Variants in TBCD observed in about 807,000 individuals in gnomAD.
TBCD encodes tubulin folding cofactor D.
TBCD carries 105 observed loss-of-function variants against 169.3 expected under a neutral mutation model. The observed-to-expected ratio is 0.62, with a 90% CI of 0.53 to 0.73. The LOEUF is 0.73. TBCD is among the 30% of genes least tolerant of loss of function. The pLI, the probability that TBCD is intolerant of heterozygous loss-of-function variation, is 0.00. For missense variants in TBCD, 1,444 were observed against 1,600.1 expected, an observed-to-expected ratio of 0.90 and a Z score of 1.66; for synonymous variants, 700 against 643.9, an observed-to-expected ratio of 1.09 and a Z score of -1.32.
intron 13 of TBCD, among the ~76,000 whole-genome samples, chr17:82,826,294 A>AT (rs1225029813): frequency 6.7e-6 from 1 of 150,362 alleles, no homozygotes; most frequent in Non-Finnish European, 1.5e-5. Flanking sequence ...GTTTTTTTAG[A>AT]TTGGGTTTTA....
In TBCD at chr17:82,830,808, A is replaced by G. The variant is rs753550702; in HGVS notation, c.1318+15874A>G. 3 of 1,613,460 alleles carry G rather than the reference A, an allele frequency of 1.9e-6. No homozygotes were observed. In the South Asian group the frequency reaches 3.3e-5, roughly 18 times the overall value. On this transcript the variant is annotated intron_variant, in intron 13 of 38. Transcript: ENST00000355528. Reference sequence around the variant, plus strand: ...TCCCGGAGCTGTCGTCCGGACTGGAAGGCGCGGCCTCCGAGACGAGAGAGG... The same window carrying G: ...TCCCGGAGCTGTCGTCCGGACTGGAGGGCGCGGCCTCCGAGACGAGAGAGG...
At chr17:82,823,203 G>A (rs918211428) in intron 13 of TBCD, among the ~76,000 whole-genome samples, 3 of 152,174 alleles carry the variant, frequency 2.0e-5, no homozygotes, top group African/African-American at 7.2e-5. Flanking sequence ...TCTTGTGGGG[G>A]GCCCTGCTGT....
chr17:82,852,243 C>T (rs1567891897), intron 13 of TBCD, among the ~76,000 whole-genome samples: 1 of 150,868 alleles, frequency 6.6e-6, no homozygotes, highest in African/African-American at 2.4e-5. Flanking sequence ...CCCCTGTGGT[C>T]CTCTGTGGTG....
At chr17:82,758,416 TAAA>T (rs2047556725) in intron 2 of TBCD, among the ~76,000 whole-genome samples, 27 of 85,372 alleles carry the variant, frequency 3.2e-4, no homozygotes, top group Non-Finnish European at 4.7e-4. Flanking sequence ...AATAAATAAA[TAAA>T]TTTTTTTTTT....
intron 12 of TBCD, among the ~76,000 whole-genome samples, 164 bp from the exon 13 acceptor site, chr17:82,814,676 C>G (rs1184026526): frequency 6.6e-6 from 1 of 152,248 alleles, no homozygotes; most frequent in Non-Finnish European, 1.5e-5. Flanking sequence ...CCGCTGTGCC[C>G]AGCCTTGATA....
rs548719014 is a variant in TBCD, at chr17:82,885,000, G to T, written c.1533+798G>T. 6.6e-6 allele frequency: 1 copy of T among 152,526 alleles called. No homozygotes were observed. The highest frequency in any genetic ancestry group is 2.4e-5 in the African/African-American group (1 of 41,568). The allele number at this position is 152,526 out of a possible 1,614,324, so 9.4% of individuals were successfully genotyped here. On this transcript the variant is annotated intron_variant, in intron 15 of 38. Transcript: ENST00000355528. The surrounding 1 kb of genome is among the most constrained non-coding windows in gnomAD (Gnocchi z 4.2). ...GGTGAGGTTGGCTTTTGGTGATGGG[G>T]TGGGCCCCACAGTTCCTCATGGGCT...
chr17:82,926,536 G>A (rs756246193), intron 28 of TBCD, 45 bp downstream of exon 28: 27 of 1,538,614 alleles, frequency 1.8e-5, no homozygotes, highest in Non-Finnish European at 2.4e-5. Context: ...TCTCTGAAAG[G>A]CCAGCAGATG....
intron 7 of TBCD, 49 bp downstream of exon 7, chr17:82,781,770 T>C: frequency 6.3e-7 from 1 of 1,595,018 alleles, no homozygotes; most frequent in Non-Finnish European, 8.5e-7. Context: ...AATGGCGCCT[T>C]ACATGGGGAC....
In TBCD at chr17:82,880,216, G is replaced by C. The variant is rs1295026228; in HGVS notation, c.1476-3929G>C. Among the ~76,000 whole-genome samples, 1 of 152,056 alleles carries C rather than the reference G, an allele frequency of 6.6e-6. No homozygotes were observed. The highest frequency in any genetic ancestry group is 1.5e-5 in the Non-Finnish European group (1 of 68,014). On this transcript the variant is annotated intron_variant, in intron 14 of 38. Coordinates refer to ENST00000355528, the MANE Select transcript of TBCD (RefSeq NM_005993.5). This position sits in a 1 kb window ranked among gnomAD's most constrained non-coding sequence, Gnocchi z 5.0. ...GTCTGTCTAGATGGGGTCTCGCTGT[G>C]TTGCCCAGACTGTACTCAAATTCCT... is the stretch of plus-strand genomic sequence containing the variant.
At position 82,924,992 on chromosome 17, in the gene TBCD, C is replaced by A; in HGVS notation, c.2314C>A (p.Arg772Ser). The A allele has an allele frequency of 1.9e-6, 3 of 1,575,806 alleles. No homozygotes were observed. The highest frequency in any genetic ancestry group is 1.2e-5 in the South Asian group (1 of 85,876). ...GCTTCGGAACCCCGAGGAGATGACT[C>A]GCTGTGGCTTCTCGTTGGCCTTGGG... ...AELRNPEEMT[R>S]CGFSLALGAL... Residue 772 changes from arginine (R) to serine (S), a missense_variant, in exon 27 of 39, where the codon CGC (arginine) becomes AGC (serine). Arg to Ser is a moderately radical substitution (Grantham distance 110). Transcript: ENST00000355528.
intron 13 of TBCD, among the ~76,000 whole-genome samples, chr17:82,867,122 C>T (rs1401053368): frequency 2.0e-5 from 3 of 152,190 alleles, no homozygotes; most frequent in African/African-American, 7.2e-5. Flanking sequence ...GCTCCCCTAC[C>T]GAGGTCAGGT....
chr17:82,781,767 C>G, intron 7 of TBCD, 46 bp downstream of exon 7: 1 of 1,599,322 alleles, frequency 6.3e-7, no homozygotes. Flanking sequence ...GGAAATGGCG[C>G]CTTACATGGG....
intron 23 of TBCD, chr17:82,913,441 G>C (rs2060797015): frequency 6.6e-6 from 1 of 152,366 alleles, no homozygotes; most frequent in African/African-American, 2.4e-5. Flanking sequence ...CAACGACGGA[G>C]TTGAAGGTGT....
At chr17:82,778,490 A>C (rs1003115498) in intron 6 of TBCD, among the ~76,000 whole-genome samples, 1 of 152,052 alleles carries the variant, frequency 6.6e-6, no homozygotes, top group African/African-American at 2.4e-5. Context: ...ACAGGGTCTC[A>C]CTCTGTTGCC....
At chr17:82,916,270 A>G (rs1180164610) in intron 23 of TBCD, among the ~76,000 whole-genome samples, 2 of 151,778 alleles carry the variant, frequency 1.3e-5, no homozygotes, top group Admixed American at 6.6e-5. Flanking sequence ...ACGGAGTCTC[A>G]TTCACTCTTG....
intron 1 of TBCD, among the ~76,000 whole-genome samples, chr17:82,754,692 G>A (rs538783238): frequency 1.3e-5 from 2 of 152,346 alleles, no homozygotes; most frequent in Admixed American, 1.3e-4. Context: ...GGGGTTGCCT[G>A]GATCAGATCT....
chr17:82,813,270 CCT>C (rs150827150), intron 12 of TBCD, among the ~76,000 whole-genome samples: 59 of 149,022 alleles, frequency 4.0e-4, no homozygotes, highest in Admixed American at 5.3e-4. Flanking sequence ...TTACCCGCCT[CCT>C]CTCTCTCTCT....
chr17:82,849,400 T>C (rs1309115720), intron 13 of TBCD, among the ~76,000 whole-genome samples: 1 of 152,236 alleles, frequency 6.6e-6, no homozygotes, highest in Non-Finnish European at 1.5e-5. Context: ...CACATTTCCA[T>C]CCATTGCAGT....
intron 21 of TBCD, chr17:82,908,171 C>T: frequency 2.6e-6 from 1 of 388,002 alleles, no homozygotes; most frequent in Non-Finnish European, 5.0e-6. Context: ...TGGTTTCCCT[C>T]CGGGGCGCGC....
Sources: gnomAD v4.1 joint callset for allele counts (sites outside exome capture counted in the v4.1 genomes callset) on GRCh38, gnomAD v4.1.1 for gene constraint, Gnocchi (gnomAD v3.1) non-coding constraint, MANE v1.5 for transcripts, NCBI Gene and HGNC (gene_info 2026-07-23, HGNC 2026-07-21) for gene names.